CACNA1C: variants seen among roughly 807,000 people sequenced by gnomAD.
The protein encoded by CACNA1C is calcium voltage-gated channel subunit alpha1 C.
CACNA1C carries 30 observed loss-of-function variants against 229.0 expected under a neutral mutation model. The ratio of observed to expected loss-of-function variants is 0.13; its 90% confidence interval spans 0.10 to 0.18. The LOEUF is 0.18. Among genes scored for constraint, CACNA1C ranks in the 10% least tolerant of loss-of-function variants. The pLI is 1.00. For missense variants in CACNA1C, 1,658 were observed against 2,845.0 expected (o/e 0.58, Z 9.49); for synonymous variants, 1,114 against 1,132.5 (o/e 0.98, Z 0.33).
At chr12:2,282,115 C>G (rs2091454600) in intron 3 of CACNA1C, among the ~76,000 whole-genome samples, 1 of 152,006 alleles carries the variant, frequency 6.6e-6, no homozygotes, top group African/African-American at 2.4e-5. Context: ...GGGGATTTAC[C>G]TAATTTTATA....
chr12:2,457,588 A>G lies in CACNA1C; in HGVS notation c.639A>G (p.Glu213=). ...CTAGGCTTTTTAGTGCAATTTTAGAACAAGCAACCAAAGCAGATGGGGCAA... is the reference window on the plus strand; with the variant it reads ...CTAGGCTTTTTAGTGCAATTTTAGAGCAAGCAACCAAAGCAGATGGGGCAA... ...VVVGLFSAIL[E]QATKADGANA... Residue 213 remains glutamate, a synonymous_variant, in exon 5 of 47, where the codon GAA becomes GAG. Transcript: ENST00000399655. 6.2e-7 allele frequency: 1 copy of G among 1,612,108 alleles called. No homozygotes were observed. Among genetic ancestry groups the G allele is most frequent in the Non-Finnish European group, 8.5e-7 (1 of 1,179,008 alleles).
At chr12:2,236,716 C>G (rs1413656118) in intron 3 of CACNA1C, among the ~76,000 whole-genome samples, 2 of 152,196 alleles carry the variant, frequency 1.3e-5, no homozygotes, top group Admixed American at 1.3e-4. Flanking sequence ...AGCAGAATCA[C>G]CATGGCAACT....
chr12:2,618,965 G>C (rs1294286406), intron 29 of CACNA1C, among the ~76,000 whole-genome samples: 1 of 152,182 alleles, frequency 6.6e-6, no homozygotes. Context: ...TCTTCCAACT[G>C]TTTTAAATTA....
rs1489487869 is a variant in CACNA1C, at chr12:2,029,937, G to A, written c.139+58736G>A. 1.3e-5 allele frequency among the ~76,000 whole-genome samples: 2 copies of A among 152,210 alleles called. No homozygotes were observed. Among genetic ancestry groups the A allele is most frequent in the African/African-American group, 4.8e-5 (2 of 41,458 alleles). On this transcript the variant is annotated intron_variant, in intron 1 of 46. Coordinates refer to the CACNA1C transcript ENST00000682462. This position sits in a 1 kb window ranked among gnomAD's most constrained non-coding sequence, Gnocchi z 4.9. ...AAGGAAGGGACTTCAAGGGCTGGGC[G>A]ATTTGGCCCCACCATGATACCTGGG...
chr12:2,397,627 G>C (rs1180861965), intron 3 of CACNA1C, among the ~76,000 whole-genome samples: 2 of 152,240 alleles, frequency 1.3e-5, no homozygotes, highest in Non-Finnish European at 2.9e-5. Context: ...CAAGTGACTG[G>C]CACAAAACAG....
rs2099705074 is a variant in CACNA1C at position 2,488,376 on chromosome 12, G to T, written c.916+2114G>T. On this transcript the variant is annotated intron_variant, in intron 6 of 46. Transcript: ENST00000399655. This position sits in a 1 kb window ranked among gnomAD's most constrained non-coding sequence, Gnocchi z 4.0. ...ACAAAGAAAGCATGGCACGGGGAGG[G>T]AGCCGTCCTGAAGGCCATAGCCGTA... Among the ~76,000 whole-genome samples, 1 of 152,190 alleles carries T rather than the reference G, an allele frequency of 6.6e-6. No homozygotes were observed. Among genetic ancestry groups the T allele is most frequent in the Non-Finnish European group, 1.5e-5 (1 of 68,032 alleles).
chr12:2,641,601 C>G lies in CACNA1C; in HGVS notation c.3913-6874C>G, dbSNP rs1006379801. On this transcript the variant is annotated intron_variant, in intron 30 of 46. Coordinates refer to ENST00000399655, the MANE Select transcript of CACNA1C (RefSeq NM_000719.7). ...GCAACAGCCCCCACCCCCAACAAAC[C>G]TAATGCTACCAAGATGCCTTGTTTC... The G allele has an allele frequency of 2.3e-5, 15 of 644,512 alleles. No homozygotes were observed. The African/African-American group carries it at 2.5e-4, about 11-fold the overall frequency. The allele number at this position is 644,512 out of a possible 1,614,324, so 39.9% of individuals were successfully genotyped here. A position where few individuals can be genotyped will look rare whatever the true frequency, so the allele number is the denominator to read the frequency against.
In CACNA1C at chr12:2,462,306, CA is replaced by C. The variant is rs1252614967; in HGVS notation, c.757+4601del. 5.5e-3 allele frequency among the ~76,000 whole-genome samples: 487 copies of C among 89,222 alleles called. 6 individuals are homozygous for C. The highest frequency in any genetic ancestry group is 0.017 in the East Asian group (32 of 1,880). 58.5% of individuals were successfully genotyped at this position (89,222 alleles called of 152,430 possible). A position where few individuals can be genotyped will look rare whatever the true frequency, so the allele number is the denominator to read the frequency against. The stretch of plus-strand genomic sequence containing the variant: ...CTCGGCACCCCCTCGGCTCAGCTCT[CA>C]TACAGGCCTGCGCACCTCCTCGGCC... On this transcript the variant is annotated intron_variant, in intron 5 of 46. Transcript: ENST00000399655.
intron 1 of CACNA1C, among the ~76,000 whole-genome samples, chr12:1,977,736 G>A (rs1241380868): frequency 1.3e-5 from 2 of 152,044 alleles, no homozygotes; most frequent in Non-Finnish European, 2.9e-5. Context: ...CAGAGAAAAC[G>A]TTTTACAAAA....
chr12:2,303,587 A>G (rs1292375961), intron 3 of CACNA1C, among the ~76,000 whole-genome samples: 1 of 152,126 alleles, frequency 6.6e-6, no homozygotes, highest in African/African-American at 2.4e-5. Context: ...TAACACAGGG[A>G]GACCCTGTCT....
intron 3 of CACNA1C, among the ~76,000 whole-genome samples, chr12:2,204,303 G>GT (rs535514238): frequency 3.3e-5 from 5 of 151,932 alleles, no homozygotes; most frequent in Non-Finnish European, 7.4e-5. Flanking sequence ...GGGGTTGTTT[G>GT]TTTTTTTCTT....
At chr12:2,614,661 C>T (rs1409335301) in intron 29 of CACNA1C, 1 of 152,316 alleles carries the variant, frequency 6.6e-6, no homozygotes, top group East Asian at 1.9e-4. Context: ...ATTTCACTGG[C>T]ATGGTTGTTT....
chr12:2,218,158 CACGTCCCT>C (rs2060465614), intron 3 of CACNA1C, among the ~76,000 whole-genome samples: 1 of 152,264 alleles, frequency 6.6e-6, no homozygotes, highest in Middle Eastern at 3.4e-3. Context: ...GGGCTCCTCC[CACGTCCCT>C]ACTCTAGCAT....
At chr12:2,498,581 G>A (rs914377128) in intron 7 of CACNA1C, among the ~76,000 whole-genome samples, 2 of 152,250 alleles carry the variant, frequency 1.3e-5, no homozygotes, top group African/African-American at 4.8e-5. Flanking sequence ...GGAGCACAGA[G>A]AAGAATAAGG....
rs1131652 is a variant in CACNA1C, at chr12:2,504,853, C to T, written c.1125C>T (p.Ala375=). The T allele has an allele frequency of 1.6e-5, 25 of 1,579,566 alleles. No individual in the cohort carries two copies. The highest frequency in any genetic ancestry group is 1.1e-4 in the East Asian group (5 of 44,644). ...TTCCGTTCTTCCAGGTCAATGATGCCGTAGGAAGGGACTGGCCCTGGATCT... is the reference window on the plus strand; with the variant it reads ...TTCCGTTCTTCCAGGTCAATGATGCTGTAGGAAGGGACTGGCCCTGGATCT... ...WTDVLYWVND[A]VGRDWPWIYF... Residue 375 remains alanine (A), a synonymous_variant, in exon 8 of 47, where the codon GCC becomes GCT. Coordinates refer to ENST00000399655, the MANE Select transcript of CACNA1C (RefSeq NM_000719.7). The surrounding 1 kb of genome is among the most constrained non-coding windows in gnomAD (Gnocchi z 6.8).
chr12:2,477,796 T>C (rs2099638233), intron 5 of CACNA1C, among the ~76,000 whole-genome samples: 1 of 152,204 alleles, frequency 6.6e-6, no homozygotes, highest in South Asian at 2.1e-4. Context: ...GTGGTGCTAA[T>C]AGATCACTGT....
chr12:2,015,994 G>A (rs188202454), intron 1 of CACNA1C, among the ~76,000 whole-genome samples: 99 of 152,244 alleles, frequency 6.5e-4, no homozygotes, highest in Non-Finnish European at 7.4e-4. Context: ...GACAGAACAG[G>A]ACTAGACTTC....
rs139105866 is a variant in CACNA1C at position 2,058,926 on chromosome 12, C to T, written c.49+5315C>T. ...GGGTGCTTATTTGCTCAAGACCAGG[C>T]TTTCCTGAGCCTGTGTAGACACGGG... is the stretch of plus-strand genomic sequence containing the variant. On this transcript the variant is annotated intron_variant, in intron 1 of 46. Transcript: ENST00000399655. Among the ~76,000 whole-genome samples, 15 of 152,334 alleles carry T rather than the reference C, an allele frequency of 9.8e-5. No individual in the cohort carries two copies. In the East Asian group the frequency reaches 2.3e-3, roughly 24 times the overall value.
At chr12:2,259,708 T>C (rs1000691227) in intron 3 of CACNA1C, among the ~76,000 whole-genome samples, 1 of 152,234 alleles carries the variant, frequency 6.6e-6, no homozygotes, top group Non-Finnish European at 1.5e-5. Context: ...GTTTTGTTTT[T>C]CATTTTATCA....
Sources: gnomAD v4.1 joint callset for allele counts (sites outside exome capture counted in the v4.1 genomes callset) on GRCh38, gnomAD v4.1.1 for gene constraint, Gnocchi (gnomAD v3.1) non-coding constraint, MANE v1.5 for transcripts, NCBI Gene and HGNC (gene_info 2026-07-23, HGNC 2026-07-21) for gene names.